Variants in CHLSN observed in about 807,000 individuals in gnomAD.
CHLSN encodes the protein protein cholesin.
At chr7:1,019,888 A>G in the CHLSN span, among the ~76,000 whole-genome samples, 382 of 152,354 alleles carry the variant, frequency 2.5e-3, 2 homozygotes, top group African/African-American at 8.5e-3. Context: ...CTGGACCCAG[A>G]GGCCCGCAGG....
chr7:1,127,371 C>G, the CHLSN span: 1 of 1,607,590 alleles, frequency 6.2e-7, no homozygotes, highest in Non-Finnish European at 8.5e-7. Flanking sequence ...GAACTTTTCT[C>G]TTCTGTTTTG....
the CHLSN span, among the ~76,000 whole-genome samples, chr7:1,007,327 G>A: frequency 2.6e-5 from 4 of 152,232 alleles, no homozygotes; most frequent in Non-Finnish European, 4.4e-5. Flanking sequence ...TCTGCAGGGG[G>A]AGGACAACTC....
the CHLSN span, among the ~76,000 whole-genome samples, chr7:1,005,531 A>T: frequency 1.5e-4 from 23 of 152,176 alleles, no homozygotes; most frequent in African/African-American, 5.5e-4. Context: ...CGCTCCTCCC[A>T]TACTTGGAGC....
chr7:1,120,220 G>T, the CHLSN span, among the ~76,000 whole-genome samples: 3 of 152,272 alleles, frequency 2.0e-5, no homozygotes, highest in South Asian at 6.2e-4. Context: ...TACCAGAGCC[G>T]CCAAGATTAA....
the CHLSN span, among the ~76,000 whole-genome samples, chr7:1,003,268 C>T: frequency 5.6e-4 from 6 of 10,628 alleles, no homozygotes; most frequent in East Asian, 2.1e-3. Context: ...TGGAGTCCTG[C>T]GGGTGAGTGG....
At chr7:997,463 T>C in the CHLSN span, 1 of 595,808 alleles carries the variant, frequency 1.7e-6, no homozygotes, top group South Asian at 2.4e-5. Context: ...CTTGCGAGGC[T>C]CTGGTGCTGG....
the CHLSN span, among the ~76,000 whole-genome samples, chr7:1,036,267 G>A: frequency 2.6e-5 from 4 of 152,206 alleles, no homozygotes; most frequent in South Asian, 2.1e-4. Context: ...GACTTCGGGC[G>A]GTTGTGCTGT....
At chr7:992,362 C>G in the CHLSN span, among the ~76,000 whole-genome samples, 1 of 152,244 alleles carries the variant, frequency 6.6e-6, no homozygotes, top group Non-Finnish European at 1.5e-5. Context: ...CATCTGCAAA[C>G]CTCCCGCAGC....
the CHLSN span, among the ~76,000 whole-genome samples, chr7:992,367 C>T: frequency 6.6e-6 from 1 of 152,256 alleles, no homozygotes; most frequent in African/African-American, 2.4e-5. Context: ...GCAAACCTCC[C>T]GCAGCAAGCT....
chr7:1,021,547 G>GGAGTAGGGCTTCAGCAGCTGTCA, the CHLSN span: 3 of 985,460 alleles, frequency 3.0e-6, no homozygotes, highest in Non-Finnish European at 3.6e-6. Context: ...CCACCGCACA[G>GGAGTAGGGCTTCAGCAGCTGTCA]GAGTAGGGCT....
chr7:1,123,134 G>A, the CHLSN span, among the ~76,000 whole-genome samples: 1 of 152,232 alleles, frequency 6.6e-6, no homozygotes, highest in Non-Finnish European at 1.5e-5. This position sits in a 1 kb window ranked among gnomAD's most constrained non-coding sequence, Gnocchi z 4.4. Context: ...ACCAACGCCA[G>A]ACAGAGGCAC....
At chr7:980,040 G>A in the CHLSN span, among the ~76,000 whole-genome samples, 6 of 152,232 alleles carry the variant, frequency 3.9e-5, no homozygotes, top group African/African-American at 1.2e-4. Flanking sequence ...AAAGGGGGAA[G>A]ACCACAAGCC....
chr7:1,016,726 CAG>C, the CHLSN span, among the ~76,000 whole-genome samples: 1 of 134,722 alleles, frequency 7.4e-6, no homozygotes, highest in Non-Finnish European at 1.6e-5. Context: ...CAGCAGCACA[CAG>C]CAGCACACGC....
chr7:1,034,786 C>T, the CHLSN span, among the ~76,000 whole-genome samples: 2 of 138,536 alleles, frequency 1.4e-5, no homozygotes, highest in East Asian at 5.1e-4. Flanking sequence ...TCCTTTTCCT[C>T]CTCCCTCCTC....
chr7:983,748 C>G, the CHLSN span, among the ~76,000 whole-genome samples: 1 of 152,232 alleles, frequency 6.6e-6, no homozygotes, highest in Non-Finnish European at 1.5e-5. Flanking sequence ...GCTCAGCCCC[C>G]CTCGGCCCTC....
At chr7:1,040,192 A>AAAAAATAATAAT in the CHLSN span, among the ~76,000 whole-genome samples, 426 of 120,726 alleles carry the variant, frequency 3.5e-3, 22 homozygotes, top group East Asian at 0.026. Flanking sequence ...TTAAAAAAAA[A>AAAAAATAATAAT]AAAAAAAAAA....
At chr7:1,096,698 AC>A in the CHLSN span, among the ~76,000 whole-genome samples, 2 of 151,902 alleles carry the variant, frequency 1.3e-5, no homozygotes, top group East Asian at 1.9e-4. The surrounding 1 kb of genome is among the most constrained non-coding windows in gnomAD (Gnocchi z 4.6). Context: ...CATGGGAAAA[AC>A]CCCCGTGTTA....
the CHLSN span, chr7:985,227 C>G: frequency 6.4e-7 from 1 of 1,553,420 alleles, no homozygotes; most frequent in African/African-American, 1.4e-5. Flanking sequence ...TCGCGCTCCT[C>G]TTCGGCCGCC....
the CHLSN span, among the ~76,000 whole-genome samples, chr7:1,133,213 T>C: frequency 9.9e-5 from 15 of 152,028 alleles, no homozygotes; most frequent in Non-Finnish European, 1.8e-4. Flanking sequence ...ATTCCACTTC[T>C]GTGAAAAGCT....
Sources: gnomAD v4.1 joint callset for allele counts (sites outside exome capture counted in the v4.1 genomes callset) on GRCh38, gnomAD v4.1.1 for gene constraint, Gnocchi (gnomAD v3.1) non-coding constraint, MANE v1.5 for transcripts, NCBI Gene and HGNC (gene_info 2026-07-23, HGNC 2026-07-21) for gene names.